SLC4A4: variants seen among roughly 807,000 people sequenced by gnomAD.
SLC4A4 encodes electrogenic sodium bicarbonate cotransporter 1.
In SLC4A4, 27 loss-of-function variants were observed where a neutral mutation model predicts 111.5. That is an observed-to-expected ratio of 0.24 (90% CI 0.18 to 0.33). The LOEUF (loss-of-function observed/expected upper bound fraction) is 0.33, where lower values mean the gene tolerates loss of function less well. Ranked by LOEUF, SLC4A4 falls within the 10% of genes least tolerant of loss-of-function variation. The pLI is 1.00. For synonymous variants in SLC4A4, 443 were observed against 463.4 expected (o/e 0.96, Z 0.57); for missense variants, 909 against 1,315.5 (o/e 0.69, Z 4.78).
At chr4:71,526,669 CAA>C (rs1171518911) in intron 16 of SLC4A4, among the ~76,000 whole-genome samples, 1 of 151,970 alleles carries the variant, frequency 6.6e-6, no homozygotes, top group Admixed American at 6.6e-5. Context: ...CTTAAAACAA[CAA>C]AATTTATATC....
intron 6 of SLC4A4, among the ~76,000 whole-genome samples, chr4:71,365,811 A>G (rs1030548816): frequency 6.6e-6 from 1 of 152,218 alleles, no homozygotes; most frequent in African/African-American, 2.4e-5. Context: ...TGGTAGCTCT[A>G]ATGTATATAT....
chr4:71,280,762 T>C lies in SLC4A4; in HGVS notation c.253+25363T>C, dbSNP rs184549744. On this transcript the variant is annotated intron_variant, in intron 3 of 25. Coordinates refer to ENST00000264485, the MANE Select transcript of SLC4A4 (RefSeq NM_001098484.3). ...ACTAAGACCTAGTCCTGAAGATTTTTTTCTCTGTTATCTTTTAAAAGATTT... is the reference window on the plus strand; with the variant it reads ...ACTAAGACCTAGTCCTGAAGATTTTCTTCTCTGTTATCTTTTAAAAGATTT... 1.1e-3 allele frequency among the ~76,000 whole-genome samples: 160 copies of C among 152,286 alleles called. 1 individual carries two copies. The highest frequency in any genetic ancestry group is 2.3e-3 in the Admixed American group (35 of 15,302).
Position 71,434,433 on chromosome 4 carries a change from CA to C in SLC4A4, c.808-6180del, listed in dbSNP as rs1337372188. 2.0e-5 allele frequency: 4 copies of C among 199,440 alleles called. No homozygotes were observed. The South Asian group carries it at 4.2e-4, about 21-fold the overall frequency. The allele number at this position is 199,440 out of a possible 1,614,324, so 12.4% of individuals were successfully genotyped here. On this transcript the variant is annotated intron_variant, in intron 7 of 25. Transcript: ENST00000264485. The stretch of plus-strand genomic sequence containing the variant: ...AAGCTTGAGCTCCTTCTAAATTTCC[CA>C]AAGTCTTTCAGCACTCTCTTTCAAC...
At chr4:71,068,893 T>C (rs899595392) in intron 1 of SLC4A4, among the ~76,000 whole-genome samples, 2 of 152,214 alleles carry the variant, frequency 1.3e-5, no homozygotes, top group African/African-American at 2.4e-5. Context: ...CAGTGCTTTT[T>C]ACATAAAACA....
chr4:71,209,525 A>G (rs1315311136), intron 1 of SLC4A4, among the ~76,000 whole-genome samples: 2 of 152,250 alleles, frequency 1.3e-5, no homozygotes, highest in Admixed American at 1.3e-4. Context: ...TGTATCATAA[A>G]ATATGAGTAC....
At chr4:71,384,848 T>G (rs756586427) in intron 6 of SLC4A4, among the ~76,000 whole-genome samples, 1 of 151,548 alleles carries the variant, frequency 6.6e-6, no homozygotes, top group African/African-American at 2.4e-5. Flanking sequence ...GAAAAAAGGA[T>G]GTAGGAGCAT....
At chr4:71,532,299 C>A in intron 17 of SLC4A4, 124 bp downstream of exon 17, 1 of 723,914 alleles carries the variant, frequency 1.4e-6, no homozygotes, top group Non-Finnish European at 2.5e-6. Context: ...TTTCCAAAAT[C>A]AGTCCCTCTT....
chr4:71,110,658 G>A (rs1023394198), intron 2 of SLC4A4, among the ~76,000 whole-genome samples: 1 of 152,174 alleles, frequency 6.6e-6, no homozygotes, highest in African/African-American at 2.4e-5. Context: ...ATGAGCTGGG[G>A]AGTTTAGGTA....
chr4:71,436,633 A>G (rs1577898861), intron 7 of SLC4A4, among the ~76,000 whole-genome samples: 1 of 152,356 alleles, frequency 6.6e-6, no homozygotes, highest in East Asian at 1.9e-4. Context: ...ATTGACCAGT[A>G]TGAAACAGAG....
rs76803138 is a variant in SLC4A4 at position 71,464,298 on chromosome 4, A to C, written c.1498-2146A>C. On this transcript the variant is annotated intron_variant, in intron 12 of 25. Coordinates refer to ENST00000264485, the MANE Select transcript of SLC4A4 (RefSeq NM_001098484.3). ...AATGTGAATTTGTTCATATCACTTA[A>C]CTCCCTTGAATCTCAATGTCTAAAT... Among the ~76,000 whole-genome samples, 7 of 152,214 alleles carry C rather than the reference A, an allele frequency of 4.6e-5. No homozygotes were observed. In the East Asian group the frequency reaches 1.4e-3, roughly 29 times the overall value.
At chr4:71,196,657 G>A (rs140124773) in intron 1 of SLC4A4, among the ~76,000 whole-genome samples, 14 of 151,400 alleles carry the variant, frequency 9.2e-5, no homozygotes, top group African/African-American at 3.4e-4. Flanking sequence ...ATTTAATGGA[G>A]GGATACTTAG....
intron 16 of SLC4A4, among the ~76,000 whole-genome samples, chr4:71,507,594 A>G (rs1450659633): frequency 6.6e-6 from 1 of 152,218 alleles, no homozygotes; most frequent in Non-Finnish European, 1.5e-5. Flanking sequence ...TTTAAAAAGC[A>G]AGTTATTAGA....
At chr4:71,528,180 G>C (rs558585182) in intron 16 of SLC4A4, among the ~76,000 whole-genome samples, 83 of 152,210 alleles carry the variant, frequency 5.5e-4, no homozygotes, top group South Asian at 3.7e-3. Flanking sequence ...CCTGCTATCA[G>C]AGTTCCTTCC....
At chr4:71,250,736 A>G (rs997448655) in intron 2 of SLC4A4, among the ~76,000 whole-genome samples, 1 of 152,196 alleles carries the variant, frequency 6.6e-6, no homozygotes, top group Non-Finnish European at 1.5e-5. Context: ...GTGACATAAT[A>G]AGTTATTAAA....
intron 2 of SLC4A4, among the ~76,000 whole-genome samples, chr4:71,113,163 T>C (rs1743141671): frequency 6.6e-6 from 1 of 152,186 alleles, no homozygotes; most frequent in African/African-American, 2.4e-5. Flanking sequence ...TGCCCAGAGT[T>C]CCTCGTTTTT....
intron 2 of SLC4A4, among the ~76,000 whole-genome samples, chr4:71,153,054 A>ATATATATATATATATATATATAT (rs528058780): frequency 6.4e-5 from 9 of 140,902 alleles, no homozygotes; most frequent in Non-Finnish European, 1.4e-4. Context: ...TATATATATA[A>ATATATATATATATATATATATAT]AAATAAAAGG....
chr4:71,100,464 A>G (rs543183428), intron 2 of SLC4A4, among the ~76,000 whole-genome samples: 1 of 152,348 alleles, frequency 6.6e-6, no homozygotes, highest in Non-Finnish European at 1.5e-5. Flanking sequence ...AATAAGAGCC[A>G]TATATGACAA....
At chr4:71,415,105 T>C (rs1432223403) in intron 7 of SLC4A4, among the ~76,000 whole-genome samples, 1 of 152,216 alleles carries the variant, frequency 6.6e-6, no homozygotes, top group South Asian at 2.1e-4. Flanking sequence ...TGAGATGCTG[T>C]CTCTTCAACC....
chr4:71,119,600 G>C (rs1429794881), intron 2 of SLC4A4, among the ~76,000 whole-genome samples: 1 of 152,144 alleles, frequency 6.6e-6, no homozygotes, highest in Non-Finnish European at 1.5e-5. Flanking sequence ...TGTTATCCAG[G>C]CTGCACAGTA....
Sources: gnomAD v4.1 joint callset for allele counts (sites outside exome capture counted in the v4.1 genomes callset) on GRCh38, gnomAD v4.1.1 for gene constraint, MANE v1.5 for transcripts, NCBI Gene and HGNC (gene_info 2026-07-23, HGNC 2026-07-21) for gene names.